RIN3: variants seen among roughly 807,000 people sequenced by gnomAD.
RIN3 encodes the protein RAB5 interacting protein 3.
RIN3 carries 54 observed loss-of-function variants against 76.3 expected under a neutral mutation model. The ratio of observed to expected loss-of-function variants is 0.71; its 90% CI spans 0.57 to 0.89. RIN3 has a LOEUF of 0.89. Among genes scored for constraint, RIN3 ranks in the 40% least tolerant of loss-of-function variants. The pLI is 0.00. For missense variants in RIN3, 1,256 were observed against 1,322.1 expected (o/e 0.95, Z 0.78); for synonymous variants, 576 against 564.0 (o/e 1.02, Z -0.30).
chr14:92,622,458 CA>C (rs1176637879), intron 4 of RIN3, among the ~76,000 whole-genome samples: 6 of 152,234 alleles, frequency 3.9e-5, no homozygotes, highest in Admixed American at 3.9e-4. Flanking sequence ...AACAAATTTT[CA>C]GTGCCACAAA....
chr14:92,682,832 G>A (rs192221193), intron 8 of RIN3, among the ~76,000 whole-genome samples: 4 of 152,260 alleles, frequency 2.6e-5, no homozygotes, highest in South Asian at 2.1e-4. Flanking sequence ...GGGCAGACGC[G>A]ATTTGAGTGG....
At chr14:92,528,952 G>C (rs2140001734) in intron 1 of RIN3, among the ~76,000 whole-genome samples, 1 of 152,264 alleles carries the variant, frequency 6.6e-6, no homozygotes, top group Non-Finnish European at 1.5e-5. Flanking sequence ...GAAGCTGACA[G>C]AGGTGATGGC....
At chr14:92,617,097 G>A (rs1482191800) in intron 4 of RIN3, among the ~76,000 whole-genome samples, 1 of 151,988 alleles carries the variant, frequency 6.6e-6, no homozygotes, top group African/African-American at 2.4e-5. Context: ...TCAGGAGTTC[G>A]AGACCAGCCT....
intron 2 of RIN3, among the ~76,000 whole-genome samples, chr14:92,570,962 T>C (rs1167563209): frequency 6.6e-6 from 1 of 152,236 alleles, no homozygotes; most frequent in Non-Finnish European, 1.5e-5. Context: ...CTTTACATAT[T>C]TGAAGTTCTG....
chr14:92,653,684 G>A (rs754601116), intron 6 of RIN3, among the ~76,000 whole-genome samples: 24 of 152,148 alleles, frequency 1.6e-4, no homozygotes, highest in Non-Finnish European at 3.2e-4. Context: ...TGTGGTTCAC[G>A]GTGAAAAGTA....
chr14:92,589,956 A>T (rs542174766), intron 3 of RIN3, among the ~76,000 whole-genome samples: 9 of 152,250 alleles, frequency 5.9e-5, no homozygotes, highest in Non-Finnish European at 1.2e-4. Context: ...GGAGAGACTA[A>T]TAGGCAAATG....
intron 6 of RIN3, among the ~76,000 whole-genome samples, chr14:92,658,341 G>A (rs536695435): frequency 6.6e-6 from 1 of 152,232 alleles, no homozygotes; most frequent in African/African-American, 2.4e-5. Context: ...CAGGAGCAAA[G>A]GCCCCGGGGC....
intron 1 of RIN3, among the ~76,000 whole-genome samples, chr14:92,545,582 C>CTTTTTTTTTTTTTTT (rs11324822): frequency 8.7e-6 from 1 of 114,712 alleles, no homozygotes; most frequent in Non-Finnish European, 1.8e-5. Flanking sequence ...TTTTCTTTTT[C>CTTTTTTTTTTTTTTT]TTTTTTTTTT....
At chr14:92,661,189 G>C (rs1887869868) in intron 7 of RIN3, among the ~76,000 whole-genome samples, 1 of 152,214 alleles carries the variant, frequency 6.6e-6, no homozygotes, top group Non-Finnish European at 1.5e-5. Flanking sequence ...TCCATGCACA[G>C]CACCTGGCAG....
At chr14:92,610,043 A>G (rs1454198446) in intron 3 of RIN3, among the ~76,000 whole-genome samples, 1 of 152,130 alleles carries the variant, frequency 6.6e-6, no homozygotes, top group Non-Finnish European at 1.5e-5. Context: ...AAAAAATTTT[A>G]AGTATTAAAT....
At chr14:92,531,850 A>T (rs1254458665) in intron 1 of RIN3, among the ~76,000 whole-genome samples, 7 of 151,846 alleles carry the variant, frequency 4.6e-5, no homozygotes. Context: ...GCCAAAGCAC[A>T]ACTCTCGCCC....
Position 92,681,341 on chromosome 14 carries a change from G to A in RIN3, c.2468-3646G>A, listed in dbSNP as rs1438295076. The stretch of plus-strand genomic sequence containing the variant: ...CGAAGAAGTCAGACTCCAGCACCAA[G>A]AGTGCAGCAGTAGGGCGTGGCTGCT... On this transcript the variant is annotated intron_variant, in intron 8 of 9. Transcript: ENST00000216487. This position sits in a 1 kb window ranked among gnomAD's most constrained non-coding sequence, Gnocchi z 4.7. Among the ~76,000 whole-genome samples the A allele has an allele frequency of 6.6e-6, 1 of 151,832 alleles. No individual in the cohort carries two copies.
chr14:92,609,930 T>C (rs910645828), intron 3 of RIN3, among the ~76,000 whole-genome samples: 4 of 152,006 alleles, frequency 2.6e-5, no homozygotes, highest in Non-Finnish European at 5.9e-5. Flanking sequence ...TATTCAGATG[T>C]GTTTATTTAA....
At chr14:92,553,869 C>T (rs1897504474) in intron 1 of RIN3, among the ~76,000 whole-genome samples, 1 of 152,172 alleles carries the variant, frequency 6.6e-6, no homozygotes, top group African/African-American at 2.4e-5. Flanking sequence ...ACCCCTCCAC[C>T]ACCCTGAGAA....
In RIN3 at chr14:92,685,271, G is replaced by C; in HGVS notation, c.2631+121G>C. 1 of 1,079,896 alleles carries C rather than the reference G, an allele frequency of 9.3e-7. No homozygotes were observed. Among genetic ancestry groups the C allele is most frequent in the South Asian group, 1.6e-5 (1 of 62,624 alleles). The allele number at this position is 1,079,896 out of a possible 1,614,324, so 66.9% of individuals were successfully genotyped here. A position where few individuals can be genotyped will look rare whatever the true frequency, so the allele number is the denominator to read the frequency against. ...TCCAGCCGCCCAGCCCTGCCTTAGG[G>C]GAGCAGTGAGACTCCCCACACCAGA... On this transcript the variant is annotated intron_variant, in intron 9 of 9. Transcript: ENST00000216487. The surrounding 1 kb of genome is among the most constrained non-coding windows in gnomAD (Gnocchi z 4.7).
chr14:92,609,917 C>T (rs1274982198), intron 3 of RIN3, among the ~76,000 whole-genome samples: 1 of 149,672 alleles, frequency 6.7e-6, no homozygotes, highest in Non-Finnish European at 1.5e-5. Flanking sequence ...TTAATAACAG[C>T]TTTATTCAGA....
At chr14:92,645,980 T>G (rs1374771913) in intron 5 of RIN3, among the ~76,000 whole-genome samples, 2 of 150,812 alleles carry the variant, frequency 1.3e-5, no homozygotes, top group African/African-American at 4.9e-5. Context: ...TAAAATTGAT[T>G]GCGGTGAGAG....
At chr14:92,589,138 C>G (rs1175641986) in intron 3 of RIN3, among the ~76,000 whole-genome samples, 1 of 152,158 alleles carries the variant, frequency 6.6e-6, no homozygotes, top group Non-Finnish European at 1.5e-5. Context: ...GTGATTTCTC[C>G]AGGTTGTCAC....
At chr14:92,626,252 G>C (rs1886348686) in intron 4 of RIN3, among the ~76,000 whole-genome samples, 1 of 152,116 alleles carries the variant, frequency 6.6e-6, no homozygotes, top group African/African-American at 2.4e-5. Context: ...GAACATTTTG[G>C]CCAGGAGAAT....
Sources: allele counts gnomAD v4.1 joint callset (sites outside exome capture counted in the v4.1 genomes callset), GRCh38; gene constraint gnomAD v4.1.1; non-coding constraint Gnocchi (gnomAD v3.1); transcripts MANE v1.5; gene names NCBI Gene and HGNC (gene_info 2026-07-23, HGNC 2026-07-21).